The following LRRC9 variants were observed in gnomAD, a reference collection of about 807,000 sequenced individuals.
LRRC9 encodes leucine-rich repeat-containing protein 9.
Under a neutral mutation model 63.2 loss-of-function variants are expected in LRRC9, and 122 were observed. The ratio of observed to expected loss-of-function variants is 1.93; its 90% CI spans 1.67 to 2.24. The LOEUF is 2.24. LRRC9 is among the 30% of genes most tolerant of loss of function. The probability of loss-of-function intolerance (pLI) is 0.00; values close to 1 mark genes in which losing one functional copy is unlikely to be tolerated. For synonymous variants in LRRC9, 366 were observed against 213.1 expected, an observed-to-expected ratio of 1.72 and a Z score of -6.25; for missense variants, 1,071 against 627.7, an observed-to-expected ratio of 1.71 and a Z score of -7.55.
chr14:59,972,347 CT>C (rs1885609951), intron 12 of LRRC9, among the ~76,000 whole-genome samples: 1 of 152,044 alleles, frequency 6.6e-6, no homozygotes, highest in African/African-American at 2.4e-5. Flanking sequence ...TTAACAAATC[CT>C]TTAATATAAC....
chr14:60,013,677 G>T (rs219387), intron 23 of LRRC9, among the ~76,000 whole-genome samples: 83,216 of 151,858 alleles, frequency 0.55, 24,013 homozygotes, highest in Non-Finnish European at 0.64. Flanking sequence ...TCTGACTCTG[G>T]TAATTTCCTT....
chr14:60,060,109 C>T lies in LRRC9; in HGVS notation c.4276+2087C>T, dbSNP rs1894559433. ...CAACCATTGTAAAACTCCTAGGGCT[C>T]TTAAGAATTATGCTAAATCTACTTT... is the stretch of plus-strand genomic sequence containing the variant. On this transcript the variant is annotated intron_variant, in intron 31 of 31. Coordinates refer to ENST00000445360, the Ensembl canonical transcript of LRRC9. This position sits in a 1 kb window ranked among gnomAD's most constrained non-coding sequence, Gnocchi z 4.0. Among the ~76,000 whole-genome samples the T allele has an allele frequency of 6.6e-6, 1 of 152,204 alleles. No individual in the cohort carries two copies.
intron 18 of LRRC9, among the ~76,000 whole-genome samples, chr14:59,998,757 A>G (rs1889059714): frequency 1.3e-5 from 2 of 152,080 alleles, no homozygotes; most frequent in South Asian, 2.1e-4. Flanking sequence ...GTCAAGGGCT[A>G]AAGATCCATA....
At chr14:60,018,230 T>G (rs772497878) in intron 24 of LRRC9, 141 bp from the exon 25 acceptor site, 1 of 593,442 alleles carries the variant, frequency 1.7e-6, no homozygotes. Context: ...CCAATTCATT[T>G]TACATTAAAG....
intron 28 of LRRC9, among the ~76,000 whole-genome samples, chr14:60,028,954 C>T (rs978020893): frequency 2.6e-5 from 4 of 151,920 alleles, no homozygotes; most frequent in African/African-American, 9.7e-5. Flanking sequence ...TTTTTTAAAG[C>T]CCTGGACAAG....
At position 59,942,993 on chromosome 14, in the gene LRRC9, C is replaced by T. The variant is rs531612137; in HGVS notation, c.727-1596C>T. On this transcript the variant is annotated intron_variant, in intron 7 of 31. Transcript: ENST00000445360. The surrounding 1 kb of genome is among the most constrained non-coding windows in gnomAD (Gnocchi z 5.3). ...TGTGTGTGTGTTTCATTTGTGTGTG[C>T]GTATGTGTTGGTTTTTTTGTATTTT... Among the ~76,000 whole-genome samples the T allele has an allele frequency of 2.9e-4, 43 of 147,222 alleles. No individual in the cohort carries two copies. Among genetic ancestry groups the T allele is most frequent in the Admixed American group, 1.4e-3 (21 of 14,630 alleles).
intron 1 of LRRC9, among the ~76,000 whole-genome samples, chr14:59,924,392 T>C (rs1889031687): frequency 6.6e-6 from 1 of 152,198 alleles, no homozygotes; most frequent in Non-Finnish European, 1.5e-5. Flanking sequence ...GACTGGCTTC[T>C]CTTGCAGCCT....
At chr14:59,941,251 T>A (rs1043236386) in intron 7 of LRRC9, among the ~76,000 whole-genome samples, 2 of 152,106 alleles carry the variant, frequency 1.3e-5, no homozygotes, top group Non-Finnish European at 2.9e-5. Flanking sequence ...AATCAGTTGT[T>A]TTTTGTGGAA....
intron 29 of LRRC9, among the ~76,000 whole-genome samples, chr14:60,038,504 A>C (rs1283231747): frequency 1.3e-5 from 2 of 152,062 alleles, no homozygotes; most frequent in Admixed American, 1.3e-4. Context: ...TTAGATTCCT[A>C]GGTATTTTAT....
At chr14:59,960,676 G>A (rs1884259266) in intron 9 of LRRC9, among the ~76,000 whole-genome samples, 1 of 152,152 alleles carries the variant, frequency 6.6e-6, no homozygotes, top group Non-Finnish European at 1.5e-5. Context: ...AGCTGTAAGT[G>A]GTAGAGCAAG....
chr14:60,065,747 G>A (rs1057096763), downstream of LRRC9, among the ~76,000 whole-genome samples: 1 of 135,102 alleles, frequency 7.4e-6, no homozygotes, highest in Non-Finnish European at 1.6e-5. Flanking sequence ...AAGTTATTAT[G>A]TCTTTGCTCC....
At chr14:59,951,481 G>A (rs1388561705) in intron 8 of LRRC9, among the ~76,000 whole-genome samples, 2 of 137,790 alleles carry the variant, frequency 1.5e-5, no homozygotes, top group Admixed American at 1.5e-4. Flanking sequence ...ATCGTCTGAA[G>A]CCTTCTTCTC....
chr14:60,005,122 T>C (rs1244739373), intron 21 of LRRC9, among the ~76,000 whole-genome samples: 1 of 152,118 alleles, frequency 6.6e-6, no homozygotes, highest in Non-Finnish European at 1.5e-5. Flanking sequence ...AAGTATTAAA[T>C]ATATTTAAGA....
intron 13 of LRRC9, among the ~76,000 whole-genome samples, chr14:59,976,468 G>A (rs1156319476): frequency 6.6e-6 from 1 of 152,024 alleles, no homozygotes; most frequent in African/African-American, 2.4e-5. Context: ...TGAACTAAAC[G>A]ATACGTGTTT....
Position 59,966,863 on chromosome 14 carries a change from T to G in LRRC9, c.1388+98T>G. ...GTTTACAGCATTAAAAATATACATA[T>G]ACCTTGTTAGTAAATGTTTCCTTTT... On this transcript the variant is annotated intron_variant, in intron 11 of 31. Transcript: ENST00000445360. The surrounding 1 kb of genome is among the most constrained non-coding windows in gnomAD (Gnocchi z 4.0). The G allele has an allele frequency of 1.8e-6, 1 of 558,768 alleles. No homozygotes were observed. Among genetic ancestry groups the G allele is most frequent in the South Asian group, 2.5e-5 (1 of 39,438 alleles). 34.6% of individuals were successfully genotyped at this position (558,768 alleles called of 1,614,324 possible).
rs1489332661 is a variant in LRRC9 at position 59,947,157 on chromosome 14, C to G, written c.882+2413C>G. On this transcript the variant is annotated intron_variant, in intron 8 of 31. Transcript: ENST00000445360. ...AAGTGTTCTTATTTCTCCACATCCT[C>G]TCCAGCACCTGTTGTTTCCTGACTT... is the stretch of plus-strand genomic sequence containing the variant. 1.6e-4 allele frequency among the ~76,000 whole-genome samples: 24 copies of G among 151,574 alleles called. No homozygotes were observed. In the East Asian group the frequency reaches 4.7e-3, roughly 30 times the overall value.
chr14:59,946,693 T>TCC (rs1254759132), intron 8 of LRRC9, among the ~76,000 whole-genome samples: 3 of 141,444 alleles, frequency 2.1e-5, no homozygotes, highest in African/African-American at 7.9e-5. Flanking sequence ...AGTGTGATAT[T>TCC]CCCCTTCCTG....
In LRRC9 at chr14:59,975,159, ATATATG is replaced by A. The variant is rs1886122235; in HGVS notation, c.1639+457_1639+462del. 3.5e-5 allele frequency among the ~76,000 whole-genome samples: 2 copies of A among 56,558 alleles called. 1 individual carries two copies. The highest frequency in any genetic ancestry group is 8.6e-5 in the African/African-American group (2 of 23,202). 37.1% of individuals were successfully genotyped at this position (56,558 alleles called of 152,430 possible). A position where few individuals can be genotyped will look rare whatever the true frequency, so the allele number is the denominator to read the frequency against. ...TATATACATATATATATGTATATAT[ATATATG>A]TATATATATATACACTACACACACG... On this transcript the variant is annotated intron_variant, in intron 13 of 31. Transcript: ENST00000445360.
At chr14:59,955,954 T>G (rs926741236) in intron 8 of LRRC9, among the ~76,000 whole-genome samples, 12 of 152,202 alleles carry the variant, frequency 7.9e-5, no homozygotes, top group African/African-American at 2.4e-4. Flanking sequence ...GGGTTTTAAG[T>G]GAGTTACTTA....
Sources: gnomAD v4.1 joint callset for allele counts (sites outside exome capture counted in the v4.1 genomes callset) on GRCh38, gnomAD v4.1.1 for gene constraint, Gnocchi (gnomAD v3.1) non-coding constraint, MANE v1.5 for transcripts, NCBI Gene and HGNC (gene_info 2026-07-23, HGNC 2026-07-21) for gene names.